Variants in MORF4L1 observed in about 807,000 individuals in gnomAD.
MORF4L1 encodes mortality factor 4-like protein 1.
Under a neutral mutation model 52.9 loss-of-function variants are expected in MORF4L1, and 4 were observed. That is an observed-to-expected ratio of 0.08 (90% CI 0.04 to 0.17). MORF4L1 has a LOEUF of 0.17. Ranked by LOEUF, MORF4L1 falls within the 10% of genes least tolerant of loss-of-function variation. The probability of loss-of-function intolerance (pLI) is 1.00; values close to 1 mark genes in which losing one functional copy is unlikely to be tolerated. For synonymous variants in MORF4L1, 123 were observed against 134.8 expected, an observed-to-expected ratio of 0.91 and a Z score of 0.61; for missense variants, 214 against 390.4, an observed-to-expected ratio of 0.55 and a Z score of 3.81.
At chr15:78,892,503 A>G (rs899578933) in intron 8 of MORF4L1, 190 bp downstream of exon 8, 27 of 467,804 alleles carry the variant, frequency 5.8e-5, no homozygotes, top group South Asian at 7.8e-5. Context: ...AAAAGTTCAC[A>G]TATAAATTTT....
At chr15:78,888,623 C>T (rs1210027717) in intron 5 of MORF4L1, among the ~76,000 whole-genome samples, 3 of 152,056 alleles carry the variant, frequency 2.0e-5, no homozygotes, top group Non-Finnish European at 4.4e-5. Flanking sequence ...AGGTGTTACA[C>T]CCAGTGCTTT....
chr15:78,874,003 G>A (rs1416194756), intron 1 of MORF4L1: 2 of 152,224 alleles, frequency 1.3e-5, no homozygotes, highest in African/African-American at 4.8e-5. Flanking sequence ...CTTGAAAGTT[G>A]AATTTCTTTT....
intron 1 of MORF4L1, among the ~76,000 whole-genome samples, chr15:78,877,589 C>T (rs2056519439): frequency 1.3e-5 from 2 of 152,162 alleles, no homozygotes; most frequent in South Asian, 4.1e-4. Flanking sequence ...CTTCCAGGTC[C>T]TGACATTTTC....
intron 5 of MORF4L1, 125 bp downstream of exon 5, chr15:78,887,474 C>G (rs145638873): frequency 1.3e-6 from 1 of 760,212 alleles, no homozygotes; most frequent in Non-Finnish European, 2.1e-6. Context: ...GAATCCCATT[C>G]CTCAGGTATC....
At chr15:78,895,453 C>G (rs1034653760) in intron 11 of MORF4L1, among the ~76,000 whole-genome samples, 1 of 152,076 alleles carries the variant, frequency 6.6e-6, no homozygotes, top group Non-Finnish European at 1.5e-5. Flanking sequence ...GTCAGATTGG[C>G]TAAGGTTTAA....
chr15:78,890,592 T>A (rs577211486), intron 5 of MORF4L1: 1 of 153,376 alleles, frequency 6.5e-6, no homozygotes, highest in Non-Finnish European at 1.4e-5. Flanking sequence ...AGCAATCCTC[T>A]CACCTCAGCT....
intron 3 of MORF4L1, among the ~76,000 whole-genome samples, chr15:78,882,293 T>C (rs1347732673): frequency 2.6e-5 from 4 of 152,078 alleles, no homozygotes; most frequent in Non-Finnish European, 5.9e-5. Context: ...CTAGCCTGAG[T>C]GACAGAGCAA....
chr15:78,894,295 GGTAAA>G (rs2056847808), intron 10 of MORF4L1, 65 bp downstream of exon 10: 42 of 1,305,154 alleles, frequency 3.2e-5, no homozygotes, highest in Non-Finnish European at 4.1e-5. Flanking sequence ...ATGAATAAGA[GGTAAA>G]GTAATTAACT....
At chr15:78,879,714 G>C (rs929626997) in intron 2 of MORF4L1, among the ~76,000 whole-genome samples, 1 of 151,226 alleles carries the variant, frequency 6.6e-6, no homozygotes, top group African/African-American at 2.4e-5. Context: ...AAAGCAGGAG[G>C]ATCACTTGAG....
chr15:78,873,209 G>C (rs1779442252), intron 1 of MORF4L1, 152 bp downstream of exon 1: 1 of 1,514,898 alleles, frequency 6.6e-7, no homozygotes, highest in Admixed American at 2.6e-5. Context: ...CATTGCGGAT[G>C]GCAATTCCGG....
In MORF4L1 at chr15:78,897,988, CATTA is replaced by C. The variant is rs1255322005; in HGVS notation, c.*927_*930del. The C allele has an allele frequency of 6.6e-6, 1 of 152,082 alleles. No individual in the cohort carries two copies. The highest frequency in any genetic ancestry group is 1.5e-5 in the Non-Finnish European group (1 of 68,024). 9.4% of individuals were successfully genotyped at this position (152,082 alleles called of 1,614,324 possible). A position where few individuals can be genotyped will look rare whatever the true frequency, so the allele number is the denominator to read the frequency against. ...TCCCTAAATTATTACTTACTCTGAG[CATTA>C]ATTAAGGGCATTTTCACCTGTGTAA... On this transcript the variant is annotated 3_prime_UTR_variant, in exon 12 of 12. Coordinates refer to ENST00000426013, the MANE Select transcript of MORF4L1 (RefSeq NM_006791.4).
intron 3 of MORF4L1, chr15:78,884,901 A>G: frequency 2.7e-6 from 3 of 1,119,146 alleles, no homozygotes; most frequent in South Asian, 1.7e-5. Context: ...ATGAATCTTA[A>G]TAAAGCTGAG....
intron 1 of MORF4L1, among the ~76,000 whole-genome samples, chr15:78,875,772 T>A (rs2056474489): frequency 9.8e-6 from 1 of 101,660 alleles, no homozygotes; most frequent in South Asian, 4.8e-4. Context: ...GGCCACAGAG[T>A]GAGACTCCAT....
rs147690428 is a variant in MORF4L1 at position 78,897,320 on chromosome 15, T to C, written c.*253T>C. 1,814 of 326,508 alleles carry C rather than the reference T, an allele frequency of 5.6e-3. 34 individuals are homozygous for C. The highest frequency in any genetic ancestry group is 0.036 in the African/African-American group (1,728 of 47,534). 20.2% of individuals were successfully genotyped at this position (326,508 alleles called of 1,614,324 possible). ...ACAGAGGGATATGCTGTAGAGTGTT[T>C]TATTGCCTAGTTGACAAAGCTGCTT... On this transcript the variant is annotated 3_prime_UTR_variant, in exon 12 of 12. Transcript: ENST00000426013.
rs191110034 is a variant in MORF4L1, at chr15:78,873,078, A to G, written c.40+21A>G. On this transcript the variant is annotated intron_variant, in intron 1 of 11. Coordinates refer to ENST00000426013, the MANE Select transcript of MORF4L1 (RefSeq NM_006791.4). The stretch of plus-strand genomic sequence containing the variant: ...GGAGGGTGAGTGTGCGCCTTTGGGA[A>G]AAAGGCACCTAACGGCGCAGGAGAT... 294 of 1,550,486 alleles carry G rather than the reference A, an allele frequency of 1.9e-4. 3 individuals carry two copies. The East Asian group carries it at 6.0e-3, about 32-fold the overall frequency.
chr15:78,874,370 T>C (rs1240564304), intron 1 of MORF4L1, among the ~76,000 whole-genome samples: 1 of 152,080 alleles, frequency 6.6e-6, no homozygotes, highest in African/African-American at 2.4e-5. Context: ...ATTTTGTTAA[T>C]GAGTGACTTT....
intron 1 of MORF4L1, among the ~76,000 whole-genome samples, chr15:78,877,529 A>G (rs1938541109): frequency 6.6e-6 from 1 of 152,210 alleles, no homozygotes; most frequent in South Asian, 2.1e-4. Flanking sequence ...AAAATCTTTC[A>G]AGCTACACTC....
intron 1 of MORF4L1, among the ~76,000 whole-genome samples, chr15:78,877,539 C>G (rs895242220): frequency 6.6e-6 from 1 of 152,232 alleles, no homozygotes; most frequent in African/African-American, 2.4e-5. Flanking sequence ...AAGCTACACT[C>G]AAATGTAATC....
intron 3 of MORF4L1, among the ~76,000 whole-genome samples, chr15:78,883,754 T>C (rs2056643857): frequency 6.6e-6 from 1 of 152,208 alleles, no homozygotes; most frequent in Non-Finnish European, 1.5e-5. Flanking sequence ...GTTGAAAGAA[T>C]GATCTTAGCT....
Sources: allele counts gnomAD v4.1 joint callset (sites outside exome capture counted in the v4.1 genomes callset), GRCh38; gene constraint gnomAD v4.1.1; transcripts MANE v1.5; gene names NCBI Gene and HGNC (gene_info 2026-07-23, HGNC 2026-07-21).